The following TMEM178B variants were observed in gnomAD, a reference collection of about 807,000 sequenced individuals.
The protein encoded by TMEM178B is transmembrane protein 178B.
Under a neutral mutation model 31.0 loss-of-function variants are expected in TMEM178B, and 5 were observed. The ratio of observed to expected loss-of-function variants is 0.16; its 90% CI spans 0.08 to 0.34. TMEM178B has a LOEUF of 0.34. Ranked by LOEUF, TMEM178B falls within the 10% of genes least tolerant of loss-of-function variation. The pLI, the probability that TMEM178B is intolerant of heterozygous loss-of-function variation, is 1.00. For synonymous variants in TMEM178B, 164 were observed against 164.0 expected, an observed-to-expected ratio of 1.00 and a Z score of 0.00; for missense variants, 275 against 400.3, an observed-to-expected ratio of 0.69 and a Z score of 2.67.
chr7:141,287,156 T>C (rs1405010096), intron 2 of TMEM178B, among the ~76,000 whole-genome samples: 1 of 152,286 alleles, frequency 6.6e-6, no homozygotes, highest in African/African-American at 2.4e-5. Context: ...ATAAATTTCA[T>C]AGATGGTGTG....
intron 2 of TMEM178B, among the ~76,000 whole-genome samples, chr7:141,366,732 C>A (rs1800011339): frequency 6.6e-6 from 1 of 152,246 alleles, no homozygotes; most frequent in East Asian, 1.9e-4. Flanking sequence ...TTCTTCACTT[C>A]TGCTTCCTTT....
chr7:141,431,366 C>G (rs1801426518), intron 2 of TMEM178B: 1 of 152,102 alleles, frequency 6.6e-6, no homozygotes, highest in African/African-American at 2.4e-5. Flanking sequence ...GGAGTGTAAA[C>G]TTCAAAATCA....
intron 2 of TMEM178B, among the ~76,000 whole-genome samples, chr7:141,218,752 A>T (rs530075705): frequency 7.2e-5 from 11 of 151,756 alleles, no homozygotes; most frequent in African/African-American, 2.7e-4. Context: ...TGCTGTCTAG[A>T]CTCTCTCCAG....
chr7:141,340,097 G>A (rs1195786985), intron 2 of TMEM178B, among the ~76,000 whole-genome samples: 2 of 152,232 alleles, frequency 1.3e-5, no homozygotes, highest in Non-Finnish European at 2.9e-5. Context: ...ATGTGATTAA[G>A]TTAGGAGAGA....
At chr7:141,507,966 T>C in the TMEM178B span, among the ~76,000 whole-genome samples, 2 of 152,228 alleles carry the variant, frequency 1.3e-5, no homozygotes, top group Non-Finnish European at 2.9e-5. Flanking sequence ...ATCTTGGGCA[T>C]TAACATGATG....
intron 1 of TMEM178B, among the ~76,000 whole-genome samples, chr7:141,198,509 C>T (rs1161521524): frequency 1.3e-5 from 2 of 152,356 alleles, no homozygotes; most frequent in Admixed American, 6.5e-5. Flanking sequence ...TTTAGGACAA[C>T]TGCCTCATGC....
chr7:141,246,817 C>T (rs976280040), intron 2 of TMEM178B, among the ~76,000 whole-genome samples: 5 of 152,102 alleles, frequency 3.3e-5, no homozygotes, highest in African/African-American at 1.2e-4. Flanking sequence ...AAATGCTGTG[C>T]ACACCTTAGG....
At chr7:141,445,727 A>G (rs1801742329) in intron 3 of TMEM178B, among the ~76,000 whole-genome samples, 2 of 152,196 alleles carry the variant, frequency 1.3e-5, no homozygotes, top group South Asian at 4.1e-4. Context: ...TTACTGTTAC[A>G]TGTATAGCCT....
At chr7:141,206,391 T>G (rs1256516040) in intron 1 of TMEM178B, among the ~76,000 whole-genome samples, 2 of 152,168 alleles carry the variant, frequency 1.3e-5, no homozygotes, top group Non-Finnish European at 1.5e-5. Flanking sequence ...AAGAGAGGAA[T>G]GAGCTGGATG....
chr7:141,160,340 G>A (rs1043073403), intron 1 of TMEM178B, among the ~76,000 whole-genome samples: 1 of 151,942 alleles, frequency 6.6e-6, no homozygotes, highest in Non-Finnish European at 1.5e-5. Context: ...GTGATACCCC[G>A]GCACCAGCTT....
At chr7:141,405,372 T>C (rs1255747700) in intron 2 of TMEM178B, among the ~76,000 whole-genome samples, 2 of 152,250 alleles carry the variant, frequency 1.3e-5, no homozygotes, top group African/African-American at 2.4e-5. Context: ...CTCACCATCA[T>C]GGAGGCCTTT....
chr7:141,242,211 C>T (rs1223958668), intron 2 of TMEM178B, among the ~76,000 whole-genome samples: 1 of 151,668 alleles, frequency 6.6e-6, no homozygotes, highest in Admixed American at 6.6e-5. Flanking sequence ...AGTAGTCCTA[C>T]CAAACAAAGT....
chr7:141,387,683 G>A (rs1023417766), intron 2 of TMEM178B, among the ~76,000 whole-genome samples: 4 of 152,240 alleles, frequency 2.6e-5, no homozygotes, highest in African/African-American at 9.6e-5. Context: ...GCGCACCCCC[G>A]TTCCTGTCAC....
intron 3 of TMEM178B, among the ~76,000 whole-genome samples, chr7:141,454,974 G>C (rs1801937331): frequency 6.6e-6 from 1 of 151,916 alleles, no homozygotes; most frequent in Admixed American, 6.6e-5. Flanking sequence ...CAGAGGGCTT[G>C]GGGGAGGGCC....
At chr7:141,401,606 G>A (rs1383181836) in intron 2 of TMEM178B, among the ~76,000 whole-genome samples, 1 of 151,824 alleles carries the variant, frequency 6.6e-6, no homozygotes, top group East Asian at 1.9e-4. Flanking sequence ...TATTTTTTTA[G>A]AGATGGAGTT....
In TMEM178B at chr7:141,295,871, G is replaced by A. The variant is rs1223335676; in HGVS notation, c.496+83167G>A. Among the ~76,000 whole-genome samples, 12 of 152,064 alleles carry A rather than the reference G, an allele frequency of 7.9e-5. No individual in the cohort carries two copies. The East Asian group carries it at 1.7e-3, about 22-fold the overall frequency. On this transcript the variant is annotated intron_variant, in intron 2 of 3. Coordinates refer to ENST00000565468, the MANE Select transcript of TMEM178B (RefSeq NM_001195278.2). ...CCCACATTTCCAGAAATCTGAAGAC[G>A]GCCCAGCCACAGCCCTGTTCCCATT...
chr7:141,436,812 C>A (rs150583146), intron 2 of TMEM178B, among the ~76,000 whole-genome samples: 1 of 152,126 alleles, frequency 6.6e-6, no homozygotes, highest in Admixed American at 6.5e-5. Context: ...TACTGCCTTT[C>A]CAGACAACCC....
rs74917510 is a variant in TMEM178B at position 141,316,552 on chromosome 7, C to CTGTGTG, written c.496+103860_496+103865dup. ...GCCTGGAAAAATTGCCTCTGGACTG[C>CTGTGTG]TGTGTGTGTGTGTGTGTCATCCACA... On this transcript the variant is annotated intron_variant, in intron 2 of 3. Coordinates refer to ENST00000565468, the MANE Select transcript of TMEM178B (RefSeq NM_001195278.2). Among the ~76,000 whole-genome samples the CTGTGTG allele has an allele frequency of 2.2e-3, 330 of 150,778 alleles. 2 individuals carry two copies. Among genetic ancestry groups the CTGTGTG allele is most frequent in the African/African-American group, 6.2e-3 (257 of 41,206 alleles).
Position 141,422,227 on chromosome 7 carries a change from T to C in TMEM178B, c.497-15381T>C, listed in dbSNP as rs919549086. On this transcript the variant is annotated intron_variant, in intron 2 of 3. Transcript: ENST00000565468. This position sits in a 1 kb window ranked among gnomAD's most constrained non-coding sequence, Gnocchi z 4.2. The stretch of plus-strand genomic sequence containing the variant: ...CAAGGCTCTGACTTGCCTGGTGTTA[T>C]TGCTCTCCGGGCCCTCCATGTGGTG... Among the ~76,000 whole-genome samples, 1 of 152,210 alleles carries C rather than the reference T, an allele frequency of 6.6e-6. No individual in the cohort carries two copies. The highest frequency in any genetic ancestry group is 1.5e-5 in the Non-Finnish European group (1 of 68,036).
Sources: gnomAD v4.1 joint callset for allele counts (sites outside exome capture counted in the v4.1 genomes callset) on GRCh38, gnomAD v4.1.1 for gene constraint, Gnocchi (gnomAD v3.1) non-coding constraint, MANE v1.5 for transcripts, NCBI Gene and HGNC (gene_info 2026-07-23, HGNC 2026-07-21) for gene names.